Variants in GATA4 observed in about 807,000 individuals in gnomAD.
The protein encoded by GATA4 is transcription factor GATA-4.
Under a neutral mutation model 37.9 loss-of-function variants are expected in GATA4, and 7 were observed. That is an observed-to-expected ratio of 0.18 (90% CI 0.11 to 0.35). The LOEUF is 0.35. Ranked by LOEUF, GATA4 falls within the 10% of genes least tolerant of loss-of-function variation. GATA4 has a pLI of 1.00. For missense variants in GATA4, 647 were observed against 653.0 expected (o/e 0.99, Z 0.10); for synonymous variants, 372 against 292.6 (o/e 1.27, Z -2.77).
intron 1 of GATA4, among the ~76,000 whole-genome samples, chr8:11,694,258 G>T (rs139960690): frequency 1.0e-3 from 159 of 152,310 alleles, no homozygotes; most frequent in African/African-American, 3.6e-3. Context: ...GAGGGAATTC[G>T]AATAATTCTG....
intron 2 of GATA4, among the ~76,000 whole-genome samples, chr8:11,714,955 A>G (rs1398070547): frequency 6.6e-6 from 1 of 152,176 alleles, no homozygotes; most frequent in East Asian, 1.9e-4. Flanking sequence ...TTTCACTTCT[A>G]GGGATTTGTT....
intron 4 of GATA4, among the ~76,000 whole-genome samples, chr8:11,753,742 T>G (rs1187631524): frequency 6.6e-6 from 1 of 152,220 alleles, no homozygotes; most frequent in African/African-American, 2.4e-5. Context: ...CAAGTTCACA[T>G]ATGCTGGTGC....
intron 1 of GATA4, among the ~76,000 whole-genome samples, chr8:11,696,104 T>C (rs1208246318): frequency 6.6e-6 from 1 of 152,244 alleles, no homozygotes; most frequent in Non-Finnish European, 1.5e-5. Flanking sequence ...TTTTTCCTTC[T>C]GCTTTTTTCA....
At chr8:11,722,274 C>A (rs1303944867) in intron 2 of GATA4, among the ~76,000 whole-genome samples, 1 of 152,196 alleles carries the variant, frequency 6.6e-6, no homozygotes. Context: ...TCACTTTCCC[C>A]CACACAGTGT....
In GATA4 at chr8:11,681,492, CGG is replaced by C. The variant is rs202218053; in HGVS notation, c.-274+4444_-274+4445del. On this transcript the variant is annotated intron_variant, in intron 1 of 6. Coordinates refer to the GATA4 transcript ENST00000528712. ...GTCCCCGCGCGGGGTGCGGCGCTCGCGGGGGGGGGGGGGGGGATGGGGTCGGT... is the reference window on the plus strand; with the variant it reads ...GTCCCCGCGCGGGGTGCGGCGCTCGCGGGGGGGGGGGGGGATGGGGTCGGT... 2.6e-4 allele frequency: 244 copies of C among 928,972 alleles called. 8 individuals are homozygous for C. The African/African-American group carries it at 3.9e-3, about 15-fold the overall frequency. The allele number at this position is 928,972 out of a possible 1,614,324, so 57.5% of individuals were successfully genotyped here. A position where few individuals can be genotyped will look rare whatever the true frequency, so the allele number is the denominator to read the frequency against.
In GATA4 at chr8:11,692,914, G is replaced by T. The variant is rs1221792928; in HGVS notation, c.-729+254G>T. ...CCCGCGCTCGCCTCCAGCCGCCTGG[G>T]GTTCCGCGGCGGCCGTCAGCGCGCA... is the stretch of plus-strand genomic sequence containing the variant. On this transcript the variant is annotated intron_variant, in intron 1 of 2. Coordinates refer to the GATA4 transcript ENST00000526974. The T allele has an allele frequency of 4.1e-6, 4 of 984,188 alleles. No homozygotes were observed. The East Asian group carries it at 4.6e-4, about 112-fold the overall frequency. The allele number at this position is 984,188 out of a possible 1,614,324, so 61.0% of individuals were successfully genotyped here.
chr8:11,747,039 C>T (rs1004428950), intron 2 of GATA4, among the ~76,000 whole-genome samples: 5 of 152,230 alleles, frequency 3.3e-5, no homozygotes, highest in Non-Finnish European at 7.3e-5. Flanking sequence ...GCAAAATGCG[C>T]AACCTCAACC....
intron 2 of GATA4, among the ~76,000 whole-genome samples, chr8:11,712,942 C>T (rs995857883): frequency 6.6e-6 from 1 of 152,128 alleles, no homozygotes; most frequent in Non-Finnish European, 1.5e-5. Flanking sequence ...ACAATGCAAC[C>T]TGGCCTTTGA....
rs768164445 is a variant in GATA4 at position 11,754,996 on chromosome 8, C to G, written c.913-50C>G. On this transcript the variant is annotated intron_variant, in intron 4 of 6. Coordinates refer to ENST00000532059, the MANE Select transcript of GATA4 (RefSeq NM_001308093.3). ...AGGTGTGTGTCTTTCAATGCTGTAG[C>G]AGACTACGCAGAAATGGAAAACCCT... 6 of 1,412,104 alleles carry G rather than the reference C, an allele frequency of 4.2e-6. No individual in the cohort carries two copies. In the South Asian group the frequency reaches 7.0e-5, roughly 16 times the overall value. The allele number at this position is 1,412,104 out of a possible 1,614,324, so 87.5% of individuals were successfully genotyped here. A position where few individuals can be genotyped will look rare whatever the true frequency, so the allele number is the denominator to read the frequency against.
At chr8:11,690,866 G>C (rs1799289961), upstream of GATA4, among the ~76,000 whole-genome samples, 1 of 152,194 alleles carries the variant, frequency 6.6e-6, no homozygotes, top group Non-Finnish European at 1.5e-5. Context: ...GAAACACCCT[G>C]TCTGTCTCTC....
chr8:11,697,886 CAG>C, intron 1 of GATA4: 1 of 985,462 alleles, frequency 1.0e-6, no homozygotes, highest in Non-Finnish European at 1.2e-6. Flanking sequence ...CGAGCTGGCT[CAG>C]GGAATGCCAG....
chr8:11,751,057 C>T (rs765060326), intron 4 of GATA4, among the ~76,000 whole-genome samples: 1 of 152,044 alleles, frequency 6.6e-6, no homozygotes, highest in Non-Finnish European at 1.5e-5. Flanking sequence ...GATGGGAGAA[C>T]TTCTTAAACA....
At chr8:11,747,772 A>T (rs959881245) in intron 2 of GATA4, among the ~76,000 whole-genome samples, 1 of 152,254 alleles carries the variant, frequency 6.6e-6, no homozygotes, top group Non-Finnish European at 1.5e-5. Flanking sequence ...GAATGATACT[A>T]GTTAAATGAT....
In GATA4 at chr8:11,728,161, G is replaced by A. The variant is rs967795616; in HGVS notation, c.616+19233G>A. Among the ~76,000 whole-genome samples the A allele has an allele frequency of 9.9e-5, 15 of 152,126 alleles. No homozygotes were observed. The South Asian group carries it at 1.5e-3, about 15-fold the overall frequency. The stretch of plus-strand genomic sequence containing the variant: ...GCCTACCACCACACCAGCTAATCTT[G>A]TATTTTCAGTAGAGATGGGGTTTCA... On this transcript the variant is annotated intron_variant, in intron 2 of 6. Coordinates refer to ENST00000532059, the MANE Select transcript of GATA4 (RefSeq NM_001308093.3).
intron 2 of GATA4, among the ~76,000 whole-genome samples, chr8:11,734,772 G>A (rs189811182): frequency 1.2e-3 from 184 of 152,270 alleles, no homozygotes; most frequent in South Asian, 2.1e-3. Flanking sequence ...TTACAAGAGT[G>A]AGCCACCGTG....
At chr8:11,744,056 C>G (rs1245659387) in intron 2 of GATA4, among the ~76,000 whole-genome samples, 2 of 152,204 alleles carry the variant, frequency 1.3e-5, no homozygotes, top group African/African-American at 4.8e-5. Flanking sequence ...GTCAGCCTTG[C>G]TGTCAGTTGG....
At chr8:11,690,446 G>A (rs1161524124), upstream of GATA4, among the ~76,000 whole-genome samples, 1 of 152,100 alleles carries the variant, frequency 6.6e-6, no homozygotes, top group Non-Finnish European at 1.5e-5. Context: ...TGGAGAGAGA[G>A]GTATATAGAG....
At chr8:11,692,055 G>C, upstream of GATA4, 1 of 985,382 alleles carries the variant, frequency 1.0e-6, no homozygotes, top group Non-Finnish European at 1.2e-6. Context: ...GTCACCAACA[G>C]AGGTGGCCGT....
rs1030820541 is a variant in GATA4, at chr8:11,692,987, C to T, written c.-729+327C>T. The T allele has an allele frequency of 1.9e-4, 185 of 985,346 alleles. No homozygotes were observed. In the African/African-American group the frequency reaches 2.2e-3, roughly 12 times the overall value. 61.0% of individuals were successfully genotyped at this position (985,346 alleles called of 1,614,324 possible). A position where few individuals can be genotyped will look rare whatever the true frequency, so the allele number is the denominator to read the frequency against. On this transcript the variant is annotated intron_variant, in intron 1 of 2. Coordinates refer to the GATA4 transcript ENST00000526974. ...GCGCCGGCCCCGCGGCCATCCATCA[C>T]CCGGGCTGCACCCCCGGCCGCGCAC...
Sources: gnomAD v4.1 joint callset for allele counts (sites outside exome capture counted in the v4.1 genomes callset) on GRCh38, gnomAD v4.1.1 for gene constraint, MANE v1.5 for transcripts, NCBI Gene and HGNC (gene_info 2026-07-23, HGNC 2026-07-21) for gene names.